Variants in PTPRN2 observed in about 807,000 individuals in gnomAD.
PTPRN2 encodes receptor-type tyrosine-protein phosphatase N2.
PTPRN2 carries 74 observed loss-of-function variants against 118.8 expected under a neutral mutation model. The ratio of observed to expected loss-of-function variants is 0.62; its 90% confidence interval spans 0.52 to 0.76. The LOEUF (loss-of-function observed/expected upper bound fraction) is 0.76. Among genes scored for constraint, PTPRN2 ranks in the 30% least tolerant of loss-of-function variants. The pLI is 0.00. For synonymous variants in PTPRN2, 641 were observed against 608.0 expected (o/e 1.05, Z -0.80); for missense variants, 1,481 against 1,394.4 (o/e 1.06, Z -0.99).
intron 3 of PTPRN2, among the ~76,000 whole-genome samples, chr7:158,224,918 A>C (rs1828639148): frequency 6.6e-6 from 1 of 152,152 alleles, no homozygotes; most frequent in Admixed American, 6.5e-5. Flanking sequence ...AGATGAAAAG[A>C]CATTTCGACA....
intron 2 of PTPRN2, among the ~76,000 whole-genome samples, chr7:158,471,087 G>C (rs1445385993): frequency 6.6e-6 from 1 of 151,674 alleles, no homozygotes; most frequent in African/African-American, 2.4e-5. Context: ...GGTTTTTTTT[G>C]TTTTGTTTTC....
At chr7:157,716,719 C>T (rs1798934391) in intron 12 of PTPRN2, among the ~76,000 whole-genome samples, 1 of 54,578 alleles carries the variant, frequency 1.8e-5, no homozygotes, top group South Asian at 7.8e-4. Flanking sequence ...GGGAACACTG[C>T]CTGGCCACGT....
chr7:158,317,035 G>T, intron 2 of PTPRN2, 103 bp from the exon 3 acceptor site: 1 of 857,026 alleles, frequency 1.2e-6, no homozygotes, highest in Non-Finnish European at 1.7e-6. Context: ...ATGTGCCGCC[G>T]TGAGGTTTTG....
At chr7:158,327,128 CAT>C (rs1369043796) in intron 2 of PTPRN2, among the ~76,000 whole-genome samples, 1 of 84,176 alleles carries the variant, frequency 1.2e-5, no homozygotes, top group Non-Finnish European at 2.5e-5. Flanking sequence ...CAAGCACACA[CAT>C]ACACACTCAT....
At chr7:157,796,711 G>A (rs1041485926) in intron 12 of PTPRN2, among the ~76,000 whole-genome samples, 1 of 152,292 alleles carries the variant, frequency 6.6e-6, no homozygotes, top group East Asian at 1.9e-4. Context: ...GCCTCAGGGA[G>A]CTTCCAGTCA....
At chr7:158,408,430 A>G (rs1442399337) in intron 2 of PTPRN2, among the ~76,000 whole-genome samples, 2 of 152,246 alleles carry the variant, frequency 1.3e-5, no homozygotes, top group Admixed American at 1.3e-4. Context: ...AGAGAAGAAG[A>G]GGAAGAAGAA....
intron 2 of PTPRN2, among the ~76,000 whole-genome samples, chr7:158,395,925 C>T (rs1367494816): frequency 3.3e-5 from 5 of 152,140 alleles, no homozygotes; most frequent in East Asian, 1.9e-4. Context: ...CAGGTGAGGT[C>T]GGGCTACAGA....
rs1465068379 is a variant in PTPRN2 at position 158,248,629 on chromosome 7, C to T, written c.278-43356G>A. The stretch of plus-strand genomic sequence containing the variant: ...TCACATACATGCACATACACACGCA[C>T]ACACACCACACATATGCACACATCA... On this transcript the variant is annotated intron_variant, in intron 3 of 22. Transcript: ENST00000389418. Among the ~76,000 whole-genome samples, 4 of 150,716 alleles carry T rather than the reference C, an allele frequency of 2.7e-5. No individual in the cohort carries two copies. The East Asian group carries it at 7.9e-4, about 30-fold the overall frequency.
At chr7:157,999,730 G>T (rs777092370) in intron 11 of PTPRN2, among the ~76,000 whole-genome samples, 3 of 152,130 alleles carry the variant, frequency 2.0e-5, no homozygotes. Flanking sequence ...TCAAGGTGGG[G>T]GTGTGGGTCT....
rs752272409 is a variant in PTPRN2 at position 157,598,878 on chromosome 7, CAG to C, written c.2419-3565_2419-3564del. Among the ~76,000 whole-genome samples the C allele has an allele frequency of 2.8e-4, 43 of 152,342 alleles. No homozygotes were observed. In the Middle Eastern group the frequency reaches 0.014, roughly 48 times the overall value. Reference sequence around the variant, plus strand: ...CATTTCTGAGCGCTTTCTCCCCAGACAGGGGCTTCTGCAGCAACACATCCCGC... The same window carrying C: ...CATTTCTGAGCGCTTTCTCCCCAGACGGGCTTCTGCAGCAACACATCCCGC... On this transcript the variant is annotated intron_variant, in intron 16 of 22. Transcript: ENST00000389418. The surrounding 1 kb of genome is among the most constrained non-coding windows in gnomAD (Gnocchi z 5.2).
At chr7:157,573,525 C>T (rs1799862185) in intron 19 of PTPRN2, among the ~76,000 whole-genome samples, 1 of 152,024 alleles carries the variant, frequency 6.6e-6, no homozygotes, top group Non-Finnish European at 1.5e-5. Flanking sequence ...CAAGTACACC[C>T]AAAAAAGGGA....
intron 3 of PTPRN2, among the ~76,000 whole-genome samples, chr7:158,291,631 G>A (rs1376962828): frequency 6.6e-6 from 1 of 152,230 alleles, no homozygotes; most frequent in African/African-American, 2.4e-5. Flanking sequence ...CAGTGCTGCT[G>A]TCTTTGGTTG....
At chr7:158,260,953 G>A (rs1192138893) in intron 3 of PTPRN2, among the ~76,000 whole-genome samples, 2 of 152,144 alleles carry the variant, frequency 1.3e-5, no homozygotes, top group African/African-American at 2.4e-5. Context: ...AGACGGGCAG[G>A]AGGGGGCCTG....
rs1802558886 is a variant in PTPRN2, at chr7:157,974,172, T to C, written c.1724-75435A>G. Among the ~76,000 whole-genome samples the C allele has an allele frequency of 6.6e-6, 1 of 152,184 alleles. No individual in the cohort carries two copies. Among genetic ancestry groups the C allele is most frequent in the Non-Finnish European group, 1.5e-5 (1 of 68,040 alleles). On this transcript the variant is annotated intron_variant, in intron 11 of 22. Coordinates refer to ENST00000389418, the MANE Select transcript of PTPRN2 (RefSeq NM_002847.5). This position sits in a 1 kb window ranked among gnomAD's most constrained non-coding sequence, Gnocchi z 4.0. ...AGCGCCGGCCCTGCGGATCCGGCGATGATCATTGTGGAAAGAATGGACAGC... is the reference window on the plus strand; with the variant it reads ...AGCGCCGGCCCTGCGGATCCGGCGACGATCATTGTGGAAAGAATGGACAGC...
At chr7:157,837,588 C>T (rs2151174405) in intron 12 of PTPRN2, among the ~76,000 whole-genome samples, 1 of 152,138 alleles carries the variant, frequency 6.6e-6, no homozygotes, top group East Asian at 1.9e-4. Context: ...GCTTGACAGC[C>T]TCTGCTGGGT....
At chr7:158,567,918 C>T (rs11975910) in intron 1 of PTPRN2, among the ~76,000 whole-genome samples, 5 of 152,286 alleles carry the variant, frequency 3.3e-5, no homozygotes, top group South Asian at 2.1e-4. Flanking sequence ...AACGTGCTAA[C>T]GACAGTCAGA....
In PTPRN2 at chr7:157,813,304, C is replaced by A. The variant is rs1393323998; in HGVS notation, c.1788+85369G>T. ...GGTCCTCCTGCTGTGGGGTGTGAGT[C>A]CAGCCAGTGCTGGGAAGCCGGTGTG... On this transcript the variant is annotated intron_variant, in intron 12 of 22. Transcript: ENST00000389418. The surrounding 1 kb of genome is among the most constrained non-coding windows in gnomAD (Gnocchi z 4.7). 1.3e-5 allele frequency among the ~76,000 whole-genome samples: 2 copies of A among 152,106 alleles called. No homozygotes were observed. The highest frequency in any genetic ancestry group is 1.9e-4 in the East Asian group (1 of 5,194).
chr7:158,312,365 C>T (rs577918778), intron 3 of PTPRN2, among the ~76,000 whole-genome samples: 1 of 143,130 alleles, frequency 7.0e-6, no homozygotes, highest in Non-Finnish European at 1.5e-5. Flanking sequence ...GACACACACA[C>T]ATGCACACAT....
At chr7:157,971,077 T>A (rs954615561) in intron 11 of PTPRN2, among the ~76,000 whole-genome samples, 4 of 152,288 alleles carry the variant, frequency 2.6e-5, no homozygotes, top group African/African-American at 9.6e-5. Flanking sequence ...TAACACACCC[T>A]TGTAATTCAT....
Sources: allele counts gnomAD v4.1 joint callset (sites outside exome capture counted in the v4.1 genomes callset), GRCh38; gene constraint gnomAD v4.1.1; non-coding constraint Gnocchi (gnomAD v3.1); transcripts MANE v1.5; gene names NCBI Gene and HGNC (gene_info 2026-07-23, HGNC 2026-07-21).